The following PPME1 variants were observed in gnomAD, a reference collection of about 807,000 sequenced individuals.
PPME1 encodes protein phosphatase methylesterase 1, also known as testicular secretory protein Li 39.
In PPME1, 17 loss-of-function variants were observed where a neutral mutation model predicts 56.9. That is an observed-to-expected ratio of 0.30 (90% CI 0.20 to 0.45). The LOEUF (loss-of-function observed/expected upper bound fraction) is 0.45. PPME1 is among the 20% of genes least tolerant of loss of function. PPME1 has a pLI of 1.00. For synonymous variants in PPME1, 122 were observed against 156.2 expected, an observed-to-expected ratio of 0.78 and a Z score of 1.63; for missense variants, 357 against 483.2, an observed-to-expected ratio of 0.74 and a Z score of 2.45.
At chr11:74,172,992 A>G (rs1857314697) in intron 1 of PPME1, among the ~76,000 whole-genome samples, 1 of 152,192 alleles carries the variant, frequency 6.6e-6, no homozygotes, top group Non-Finnish European at 1.5e-5. Flanking sequence ...AAGGAATGGG[A>G]AAAATGGGTG....
chr11:74,238,268 AC>A (rs1360600319), intron 8 of PPME1: 3 of 152,090 alleles, frequency 2.0e-5, no homozygotes, highest in Non-Finnish European at 4.4e-5. Context: ...TTGTGAACTT[AC>A]ACTTCACTGA....
intron 11 of PPME1, chr11:74,250,737 T>G: frequency 5.6e-6 from 3 of 533,634 alleles, no homozygotes; most frequent in Non-Finnish European, 1.0e-5. Context: ...AAATGTACAC[T>G]AAATAGGACA....
chr11:74,245,079 A>G (rs1196432102), intron 9 of PPME1, among the ~76,000 whole-genome samples: 1 of 152,092 alleles, frequency 6.6e-6, no homozygotes, highest in East Asian at 1.9e-4. Context: ...GGCAGTACTA[A>G]GCTGTTTCAA....
At chr11:74,208,621 T>C (rs1858392107) in intron 3 of PPME1, among the ~76,000 whole-genome samples, 1 of 152,212 alleles carries the variant, frequency 6.6e-6, no homozygotes, top group Non-Finnish European at 1.5e-5. Flanking sequence ...ACCTCCTAGT[T>C]AATAGAGTGG....
rs557031104 is a variant in PPME1 at position 74,186,276 on chromosome 11, A to C, written c.101+14754A>C. Among the ~76,000 whole-genome samples the C allele has an allele frequency of 2.6e-5, 4 of 152,206 alleles. No homozygotes were observed. The East Asian group carries it at 7.7e-4, about 29-fold the overall frequency. On this transcript the variant is annotated intron_variant, in intron 1 of 13. Coordinates refer to ENST00000328257, the MANE Select transcript of PPME1 (RefSeq NM_016147.3). Reference sequence around the variant, plus strand: ...AGTTCTAAACCTTGACTTTGTTCTTAGTCTATATGGTGCTCAACCTTGCTA... The same window carrying C: ...AGTTCTAAACCTTGACTTTGTTCTTCGTCTATATGGTGCTCAACCTTGCTA...
intron 3 of PPME1, among the ~76,000 whole-genome samples, chr11:74,214,416 G>A (rs1055286128): frequency 2.0e-5 from 3 of 152,128 alleles, no homozygotes; most frequent in Non-Finnish European, 4.4e-5. Flanking sequence ...TATTGAAAGA[G>A]TTAATAACAG....
intron 1 of PPME1, among the ~76,000 whole-genome samples, chr11:74,173,573 A>G (rs184779495): frequency 3.1e-4 from 47 of 152,092 alleles, no homozygotes; most frequent in Admixed American, 3.1e-3. Flanking sequence ...ACAGAGTCTC[A>G]CTCTGTTGCC....
intron 3 of PPME1, among the ~76,000 whole-genome samples, chr11:74,219,348 AAAC>A (rs1305862783): frequency 6.6e-6 from 1 of 151,782 alleles, no homozygotes; most frequent in African/African-American, 2.4e-5. Flanking sequence ...AAAAAAAAAA[AAAC>A]TAAAAATAGA....
At chr11:74,197,239 T>C (rs1858008283) in intron 1 of PPME1, among the ~76,000 whole-genome samples, 1 of 152,180 alleles carries the variant, frequency 6.6e-6, no homozygotes, top group African/African-American at 2.4e-5. Context: ...TAAATATTTA[T>C]TGAGAAACCC....
intron 1 of PPME1, among the ~76,000 whole-genome samples, chr11:74,189,454 A>C (rs531995553): frequency 1.2e-4 from 18 of 151,856 alleles, no homozygotes; most frequent in African/African-American, 4.1e-4. Context: ...CGTGCCCCCT[A>C]ATTTTTGTAT....
At chr11:74,186,086 G>A (rs965096831) in intron 1 of PPME1, among the ~76,000 whole-genome samples, 6 of 152,184 alleles carry the variant, frequency 3.9e-5, no homozygotes, top group African/African-American at 1.4e-4. Context: ...AGTAATGGGA[G>A]CTAGGATTTT....
chr11:74,192,411 A>G (rs935443390), intron 1 of PPME1, among the ~76,000 whole-genome samples: 1 of 152,022 alleles, frequency 6.6e-6, no homozygotes, highest in Non-Finnish European at 1.5e-5. Flanking sequence ...GTGGAAGGAG[A>G]TGAGTCTTAG....
At chr11:74,238,291 A>C (rs1265916180) in intron 8 of PPME1, 1 of 152,214 alleles carries the variant, frequency 6.6e-6, no homozygotes, top group East Asian at 1.9e-4. Context: ...GGTTTGGCAG[A>C]GAAGACAGAA....
Position 74,171,481 on chromosome 11 carries a change from C to A in PPME1, c.60C>A (p.Pro20=). 4 of 1,613,442 alleles carry A rather than the reference C, an allele frequency of 2.5e-6. No individual in the cohort carries two copies. The South Asian group carries it at 4.4e-5, about 18-fold the overall frequency. Reference sequence around the variant, plus strand: ...GCCTTCCCTCTCGCCCACCTCTACCCGGCAGCGGGGGCAGTCAGAGCGGAG... The same window carrying A: ...GCCTTCCCTCTCGCCCACCTCTACCAGGCAGCGGGGGCAGTCAGAGCGGAG... ...LGRLPSRPPL[P]GSGGSQSGAK... The change falls in exon 1 of 14, where the codon CCC becomes CCA. Residue 20 remains proline (P), a synonymous_variant. Coordinates refer to ENST00000328257, the MANE Select transcript of PPME1 (RefSeq NM_016147.3).
chr11:74,201,120 C>T (rs988811786), intron 1 of PPME1, among the ~76,000 whole-genome samples: 10 of 151,886 alleles, frequency 6.6e-5, no homozygotes, highest in East Asian at 1.9e-4. Context: ...GGATTACAGG[C>T]GCCCGCCACC....
intron 3 of PPME1, among the ~76,000 whole-genome samples, chr11:74,208,665 G>C (rs1858392811): frequency 6.6e-6 from 1 of 152,156 alleles, no homozygotes. Context: ...TAAGGTTCTT[G>C]GTAAAGTACT....
intron 9 of PPME1, among the ~76,000 whole-genome samples, chr11:74,242,908 C>T (rs1859408039): frequency 6.9e-6 from 1 of 145,906 alleles, no homozygotes; most frequent in African/African-American, 2.6e-5. Context: ...AAAAAACAGG[C>T]TGGAAGAAAT....
chr11:74,236,041 T>C, intron 8 of PPME1, 75 bp downstream of exon 8: 1 of 1,553,544 alleles, frequency 6.4e-7, no homozygotes, highest in Non-Finnish European at 8.7e-7. Flanking sequence ...GCTTCTTTTG[T>C]CTTACACCAA....
intron 3 of PPME1, among the ~76,000 whole-genome samples, chr11:74,219,798 G>C (rs575109950): frequency 3.9e-5 from 6 of 151,994 alleles, no homozygotes; most frequent in Non-Finnish European, 8.8e-5. Context: ...TGGTTAATGA[G>C]TACAAAAATA....
Sources: allele counts gnomAD v4.1 joint callset (sites outside exome capture counted in the v4.1 genomes callset), GRCh38; gene constraint gnomAD v4.1.1; transcripts MANE v1.5; gene names NCBI Gene and HGNC (gene_info 2026-07-23, HGNC 2026-07-21).